The following FAH variants were observed in gnomAD, a reference collection of about 807,000 sequenced individuals.
FAH encodes the protein fumarylacetoacetase.
In FAH, 47 loss-of-function variants were observed where a neutral mutation model predicts 55.8. The ratio of observed to expected loss-of-function variants is 0.84; its 90% confidence interval spans 0.67 to 1.07. The LOEUF is 1.07. Ranked by LOEUF, FAH falls within the 50% of genes least tolerant of loss-of-function variation. The pLI is 0.00. For missense variants in FAH, 495 were observed against 545.9 expected, an observed-to-expected ratio of 0.91 and a Z score of 0.93; for synonymous variants, 199 against 207.7, an observed-to-expected ratio of 0.96 and a Z score of 0.36.
chr15:80,165,063 C>T (rs768978301), intron 5 of FAH, among the ~76,000 whole-genome samples: 3 of 152,146 alleles, frequency 2.0e-5, no homozygotes, highest in Admixed American at 6.5e-5. Flanking sequence ...GACAATTACA[C>T]AGTAAAATAT....
At chr15:80,160,559 C>T (rs776264506) in intron 4 of FAH, 100 bp downstream of exon 4, 7 of 1,154,082 alleles carry the variant, frequency 6.1e-6, no homozygotes, top group Non-Finnish European at 7.8e-6. Flanking sequence ...AGGGTCCCTG[C>T]TGGTGGGGGG....
At chr15:80,185,927 G>A (rs947230879) in intron 13 of FAH, among the ~76,000 whole-genome samples, 4 of 152,186 alleles carry the variant, frequency 2.6e-5, no homozygotes, top group African/African-American at 9.7e-5. Flanking sequence ...GGTGGGCCCG[G>A]GTTCTAGTCC....
At chr15:80,170,664 T>G (rs186974860) in intron 7 of FAH, among the ~76,000 whole-genome samples, 28 of 152,326 alleles carry the variant, frequency 1.8e-4, no homozygotes, top group Non-Finnish European at 2.9e-4. Context: ...AGGCAGACAC[T>G]TCACCTGTTG....
At chr15:80,176,109 T>C (rs2041282079) in intron 10 of FAH, among the ~76,000 whole-genome samples, 1 of 152,130 alleles carries the variant, frequency 6.6e-6, no homozygotes, top group Non-Finnish European at 1.5e-5. Flanking sequence ...CCTCTGCCCC[T>C]GGGTTCAAGC....
In FAH at chr15:80,172,198, C is replaced by G; in HGVS notation, c.656C>G (p.Ser219Cys). Residue 219 changes from serine (S) to cysteine (C), a missense_variant, in exon 8 of 14, where the codon TCC (serine) becomes TGC (cysteine). Transcript: ENST00000561421. ...GNRLGEPIPI[S>C]KAHEHIFGMV... ...AGATTGGGAGAGCCGATCCCCATTT[C>G]CAAGGCCCATGAGCACATTTTTGGA... 1 of 1,614,162 alleles carries G rather than the reference C, an allele frequency of 6.2e-7. No individual in the cohort carries two copies. The highest frequency in any genetic ancestry group is 2.2e-5 in the East Asian group (1 of 44,880).
At chr15:80,157,662 G>A (rs1308504279) in intron 1 of FAH, 1 of 334,586 alleles carries the variant, frequency 3.0e-6, no homozygotes, top group Non-Finnish European at 5.9e-6. Context: ...AACTACCCTA[G>A]TCAAGGCCTA....
chr15:80,174,949 T>TG (rs2041269818), intron 9 of FAH, 67 bp from the exon 10 acceptor site: 8 of 1,383,684 alleles, frequency 5.8e-6, no homozygotes, highest in Non-Finnish European at 8.2e-6. Flanking sequence ...CTGGCTGGTA[T>TG]GGGGGCCCAG....
At position 80,180,161 on chromosome 15, in the gene FAH, ACT is replaced by A; in HGVS notation, c.1001_1002del (p.Ser334CysfsTer55). On this transcript the variant is annotated frameshift_variant, in exon 12 of 14. Coordinates refer to ENST00000561421, the MANE Select transcript of FAH (RefSeq NM_000137.4). LOFTEE classifies it high-confidence loss of function. ...ACGATGCTGCAGCAGCTCACTCACC[ACT>A]CTGTCAACGGCTGCAACCTGCGGCC... 1 of 1,610,722 alleles carries A rather than the reference ACT, an allele frequency of 6.2e-7. No individual in the cohort carries two copies. Among genetic ancestry groups the A allele is most frequent in the Non-Finnish European group, 8.5e-7 (1 of 1,179,888 alleles).
chr15:80,153,581 C>T (rs926485182), intron 1 of FAH, among the ~76,000 whole-genome samples: 4 of 152,100 alleles, frequency 2.6e-5, no homozygotes, highest in Admixed American at 1.3e-4. Flanking sequence ...ACCCGGTATG[C>T]GTAGCAGGTC....
chr15:80,177,454 C>A, intron 10 of FAH, 83 bp from the exon 11 acceptor site: 1 of 1,214,530 alleles, frequency 8.2e-7, no homozygotes, highest in Non-Finnish European at 1.2e-6. Context: ...TGGGAAGCTT[C>A]AGCCACAGAA....
At chr15:80,156,084 C>G in intron 1 of FAH, 1 of 289,672 alleles carries the variant, frequency 3.5e-6, no homozygotes, top group South Asian at 3.2e-5. Context: ...CAGAGTGTTC[C>G]CTGACTCCTC....
Position 80,186,250 on chromosome 15 carries a change from C to T in FAH, c.*41C>T, listed in dbSNP as rs370537299. 1 of 1,492,322 alleles carries T rather than the reference C, an allele frequency of 6.7e-7. No individual in the cohort carries two copies. Among genetic ancestry groups the T allele is most frequent in the Admixed American group, 1.8e-5 (1 of 55,982 alleles). The allele number at this position is 1,492,322 out of a possible 1,614,324, so 92.4% of individuals were successfully genotyped here. Reference sequence around the variant, plus strand: ...TCTGGAAACAAAGGGCTCAAGCACCCCTTTCAACCCTGTGACTGGGGTCCT... The same window carrying T: ...TCTGGAAACAAAGGGCTCAAGCACCTCTTTCAACCCTGTGACTGGGGTCCT... On this transcript the variant is annotated 3_prime_UTR_variant, in exon 14 of 14. Coordinates refer to ENST00000561421, the MANE Select transcript of FAH (RefSeq NM_000137.4).
chr15:80,162,568 G>A, intron 5 of FAH: 1 of 584,592 alleles, frequency 1.7e-6, no homozygotes, highest in Non-Finnish European at 3.1e-6. Flanking sequence ...TTGGACAGCA[G>A]GGGTTGGAAT....
At chr15:80,166,671 C>T (rs1422703650) in intron 5 of FAH, among the ~76,000 whole-genome samples, 1 of 127,552 alleles carries the variant, frequency 7.8e-6, no homozygotes, top group Non-Finnish European at 1.6e-5. Flanking sequence ...GAGTCTTGCT[C>T]TGTCGCCATG....
At chr15:80,180,306 C>A in intron 12 of FAH, 81 bp downstream of exon 12, 1 of 1,155,984 alleles carries the variant, frequency 8.7e-7, no homozygotes, top group Non-Finnish European at 1.3e-6. Context: ...TCAGCTCAGC[C>A]TCGAGAAGAG....
intron 13 of FAH, among the ~76,000 whole-genome samples, chr15:80,185,461 G>C (rs1362022444): frequency 6.6e-6 from 1 of 152,222 alleles, no homozygotes; most frequent in Non-Finnish European, 1.5e-5. Context: ...AATTGGCAGA[G>C]CGAGGATTTG....
At chr15:80,152,993 G>A (rs2041064011), upstream of FAH, 2 of 1,476,148 alleles carry the variant, frequency 1.4e-6, no homozygotes, top group East Asian at 2.3e-5. Flanking sequence ...CACAGCGGCC[G>A]AGTTCAGTCC....
chr15:80,154,349 T>C (rs1348849898), intron 1 of FAH, among the ~76,000 whole-genome samples: 4 of 152,216 alleles, frequency 2.6e-5, no homozygotes, highest in East Asian at 3.9e-4. Flanking sequence ...AGTAGGGAGC[T>C]CTGACTTGCT....
chr15:80,174,976 C>A, intron 9 of FAH, 40 bp from the exon 10 acceptor site: 2 of 1,597,732 alleles, frequency 1.3e-6, no homozygotes, highest in Non-Finnish European at 1.7e-6. Flanking sequence ...GAGCTCAGCC[C>A]ACCTGCCAGT....
Sources: allele counts gnomAD v4.1 joint callset (sites outside exome capture counted in the v4.1 genomes callset), GRCh38; gene constraint gnomAD v4.1.1; transcripts MANE v1.5; gene names NCBI Gene and HGNC (gene_info 2026-07-23, HGNC 2026-07-21).